ABCA3: variants seen among roughly 807,000 people sequenced by gnomAD.
ABCA3 encodes the protein phospholipid-transporting ATPase ABCA3.
A neutral mutation model predicts 172.8 loss-of-function variants in ABCA3; 88 were observed. The ratio of observed to expected loss-of-function variants is 0.51; its 90% CI spans 0.43 to 0.61. The LOEUF (loss-of-function observed/expected upper bound fraction) is 0.61. ABCA3 is among the 20% of genes least tolerant of loss of function. The pLI is 0.00. For missense variants in ABCA3, 2,164 were observed against 2,301.0 expected, an observed-to-expected ratio of 0.94 and a Z score of 1.22; for synonymous variants, 1,066 against 983.8, an observed-to-expected ratio of 1.08 and a Z score of -1.56.
Position 2,323,680 on chromosome 16 carries a change from A to G in ABCA3, c.456T>C (p.Tyr152=), listed in dbSNP as rs780239462. 9 of 1,614,052 alleles carry G rather than the reference A, an allele frequency of 5.6e-6. No homozygotes were observed. Among genetic ancestry groups the G allele is most frequent in the African/African-American group, 1.3e-5 (1 of 74,940 alleles). The stretch of plus-strand genomic sequence containing the variant: ...TCCGTGTGTAACTGAACCGTAGGTG[A>G]TATTTCACCTGTGGAAACAAAGAGA... ...SKEPLPLAVK[Y]HLRFSYTRRN... Residue 152 remains tyrosine (Y), a synonymous_variant, in exon 7 of 33, where the codon TAT becomes TAC. Coordinates refer to ENST00000301732, the MANE Select transcript of ABCA3 (RefSeq NM_001089.3).
intron 10 of ABCA3, among the ~76,000 whole-genome samples, chr16:2,309,097 C>T (rs1487253392): frequency 6.6e-6 from 1 of 152,202 alleles, no homozygotes; most frequent in Non-Finnish European, 1.5e-5. Flanking sequence ...AGGTGCCCGC[C>T]ACCACGCCCG....
intron 1 of ABCA3, among the ~76,000 whole-genome samples, chr16:2,339,622 G>A (rs1373023557): frequency 6.6e-6 from 1 of 152,218 alleles, no homozygotes; most frequent in African/African-American, 2.4e-5. Flanking sequence ...CCCTGCCTGG[G>A]CTCCATGCTG....
chr16:2,336,788 A>G lies in ABCA3; in HGVS notation c.-539+3785T>C, dbSNP rs186441953. 7.9e-5 allele frequency among the ~76,000 whole-genome samples: 12 copies of G among 152,144 alleles called. No homozygotes were observed. The East Asian group carries it at 2.3e-3, about 29-fold the overall frequency. ...CTTAAATGCTGGGACTTAGGATTCA[A>G]TGAGAGTTTATAAATGGGATGTGGA... On this transcript the variant is annotated intron_variant, in intron 1 of 32. Transcript: ENST00000301732.
At chr16:2,318,357 A>G (rs887746765) in intron 8 of ABCA3, among the ~76,000 whole-genome samples, 1 of 152,072 alleles carries the variant, frequency 6.6e-6, no homozygotes, top group Non-Finnish European at 1.5e-5. Context: ...TGATGAGGAA[A>G]CCCAGTTCCT....
chr16:2,304,692 T>TC (rs1567346013), intron 11 of ABCA3, among the ~76,000 whole-genome samples: 1 of 148,634 alleles, frequency 6.7e-6, no homozygotes, highest in Non-Finnish European at 1.5e-5. Flanking sequence ...TTTTTTTTTT[T>TC]TGAGATGGAG....
At chr16:2,308,751 T>A in intron 10 of ABCA3, 128 bp from the exon 11 acceptor site, 2 of 1,064,796 alleles carry the variant, frequency 1.9e-6, no homozygotes, top group Non-Finnish European at 2.8e-6. Flanking sequence ...GCACTTGCCA[T>A]CTACACGGGA....
intron 11 of ABCA3, among the ~76,000 whole-genome samples, chr16:2,305,165 G>C (rs1002026906): frequency 6.6e-6 from 1 of 151,956 alleles, no homozygotes; most frequent in East Asian, 1.9e-4. Context: ...ATAGAGTCTT[G>C]CTCTGTCACC....
At chr16:2,315,839 C>CTTTTTTTTTTTTTTTT (rs536716259) in intron 10 of ABCA3, among the ~76,000 whole-genome samples, 1 of 104,846 alleles carries the variant, frequency 9.5e-6, no homozygotes, top group African/African-American at 3.6e-5. Flanking sequence ...AATTTTTAAA[C>CTTTTTTTTTTTTTTTT]TTTTTTTTTT....
chr16:2,291,998 A>C (rs2141701779), intron 19 of ABCA3, 142 bp downstream of exon 19: 1 of 652,468 alleles, frequency 1.5e-6, no homozygotes, highest in South Asian at 1.5e-5. Context: ...TCTTGAACCC[A>C]GGAGGCGGAG....
At position 2,297,255 on chromosome 16, in the gene ABCA3, A is replaced by C; in HGVS notation, c.2263+74T>G. ...CCCCTGCCTGATCTGAGGGCCCTTC[A>C]TGAAGGTAGCAGCCATTCCCTCAGC... On this transcript the variant is annotated intron_variant, in intron 17 of 32. Coordinates refer to ENST00000301732, the MANE Select transcript of ABCA3 (RefSeq NM_001089.3). This position sits in a 1 kb window ranked among gnomAD's most constrained non-coding sequence, Gnocchi z 5.6. 6.5e-7 allele frequency: 1 copy of C among 1,540,602 alleles called. No homozygotes were observed. The highest frequency in any genetic ancestry group is 8.8e-7 in the Non-Finnish European group (1 of 1,130,396).
chr16:2,319,761 T>A lies in ABCA3; in HGVS notation c.693A>T (p.Thr231=). 6.2e-7 allele frequency: 1 copy of A among 1,613,952 alleles called. No homozygotes were observed. Among genetic ancestry groups the A allele is most frequent in the Non-Finnish European group, 8.5e-7 (1 of 1,179,994 alleles). Residue 231 remains threonine, a synonymous_variant, in exon 8 of 33, where the codon ACA becomes ACT. Transcript: ENST00000301732. ...AIMEYHADAA[T]RQLFQRLTVT... ...CCGTCAGTCTCTGGAACAGCTGGCG[T>A]GTGGCGGCATCGGCATGGTACTCCA...
intron 14 of ABCA3, 27 bp from the exon 15 acceptor site, chr16:2,298,567 T>C: frequency 6.2e-7 from 1 of 1,611,256 alleles, no homozygotes; most frequent in Non-Finnish European, 8.5e-7. Flanking sequence ...GACCCCACAT[T>C]CAGCATGAAG....
rs139975191 is a variant in ABCA3 at position 2,281,426 on chromosome 16, C to T, written c.4119G>A (p.Pro1373=). ...TCAGAGGTGTGTGGAGCAGGGAGTC[C>T]GGACTGGGGGCCAGGATGCGGGTCC... ...DERTRILAPS[P]DSLLHTPLII... is the part of the protein sequence containing the mutation. The change falls in exon 27 of 33, where the codon CCG becomes CCA. Residue 1373 remains proline (P), a synonymous_variant. Transcript: ENST00000301732. The surrounding 1 kb of genome is among the most constrained non-coding windows in gnomAD (Gnocchi z 4.7). The T allele has an allele frequency of 8.2e-5, 133 of 1,613,604 alleles. 1 individual carries two copies. The highest frequency in any genetic ancestry group is 2.9e-4 in the African/African-American group (22 of 74,916).
At position 2,281,575 on chromosome 16, in the gene ABCA3, AGGGGCG is replaced by A; in HGVS notation, c.4036-72_4036-67del. The A allele has an allele frequency of 6.6e-6, 2 of 302,936 alleles. No homozygotes were observed. The highest frequency in any genetic ancestry group is 1.3e-5 in the Non-Finnish European group (2 of 156,602). 18.8% of individuals were successfully genotyped at this position (302,936 alleles called of 1,614,324 possible). A position where few individuals can be genotyped will look rare whatever the true frequency, so the allele number is the denominator to read the frequency against. On this transcript the variant is annotated intron_variant, in intron 26 of 32. Coordinates refer to ENST00000301732, the MANE Select transcript of ABCA3 (RefSeq NM_001089.3). This position sits in a 1 kb window ranked among gnomAD's most constrained non-coding sequence, Gnocchi z 4.7. ...GCAGGGCGGCTTCCGTGGAGAAGGGAGGGGCGGGGGTGGATGTGGGAGGTCTGGTGG... is the reference window on the plus strand; with the variant it reads ...GCAGGGCGGCTTCCGTGGAGAAGGGAGGGGTGGATGTGGGAGGTCTGGTGG...
rs201777730 is a variant in ABCA3 at position 2,326,270 on chromosome 16, C to A, written c.59G>T (p.Arg20Leu). ...LLWKNYTLQK[R>L]KVLVTVLELF... The stretch of plus-strand genomic sequence containing the variant: ...TTCCAGGACCGTCACCAGGACCTTC[C>A]GCTTCTGGAAGAGATACAATAGGGC... The change falls in exon 5 of 33, where the codon CGG (arginine) becomes CTG (leucine). Residue 20 changes from arginine (R) to leucine (L), a missense_variant. By Grantham distance (102) the Arg-to-Leu change is moderately radical. This residue lies in a region of ABCA3 where 1,343 missense variants were observed against 1,369.6 expected (regional missense o/e 0.98). Transcript: ENST00000301732. 96 of 1,612,908 alleles carry A rather than the reference C, an allele frequency of 6.0e-5. No individual in the cohort carries two copies. Among genetic ancestry groups the A allele is most frequent in the Non-Finnish European group, 8.0e-5 (94 of 1,180,028 alleles).
chr16:2,289,950 T>C (rs1391867429), intron 19 of ABCA3, among the ~76,000 whole-genome samples: 1 of 138,550 alleles, frequency 7.2e-6, no homozygotes, highest in Non-Finnish European at 1.5e-5. Flanking sequence ...TTTAATATTA[T>C]GTGAATTACA....
chr16:2,317,124 C>T (rs939008984), intron 10 of ABCA3, among the ~76,000 whole-genome samples, 159 bp downstream of exon 10: 12 of 152,218 alleles, frequency 7.9e-5, no homozygotes, highest in Admixed American at 3.3e-4. Context: ...CTAAATTACG[C>T]TGACTTTCCT....
At chr16:2,293,695 G>A (rs190390970) in intron 18 of ABCA3, among the ~76,000 whole-genome samples, 21 of 151,390 alleles carry the variant, frequency 1.4e-4, no homozygotes, top group South Asian at 6.3e-4. Context: ...CCGCCACCAC[G>A]CCCGGCTAAT....
chr16:2,298,657 T>A, intron 14 of ABCA3, 117 bp from the exon 15 acceptor site: 1 of 1,281,826 alleles, frequency 7.8e-7, no homozygotes, highest in Non-Finnish European at 1.1e-6. Flanking sequence ...ACCCTGCCCA[T>A]GAGAGGGCAC....
Sources: allele counts gnomAD v4.1 joint callset (sites outside exome capture counted in the v4.1 genomes callset), GRCh38; gene constraint gnomAD v4.1.1; regional missense constraint gnomAD v4.1.1; non-coding constraint Gnocchi (gnomAD v3.1); transcripts MANE v1.5; gene names NCBI Gene and HGNC (gene_info 2026-07-23, HGNC 2026-07-21).